The following ASXL2 variants were observed in gnomAD, a reference collection of about 807,000 sequenced individuals.
ASXL2 encodes the protein putative Polycomb group protein ASXL2.
A neutral mutation model predicts 122.0 loss-of-function variants in ASXL2; 23 were observed. The observed-to-expected ratio is 0.19, with a 90% confidence interval of 0.14 to 0.27. The LOEUF (loss-of-function observed/expected upper bound fraction) is 0.27, where lower values mean the gene tolerates loss of function less well. Ranked by LOEUF, ASXL2 falls within the 10% of genes least tolerant of loss-of-function variation. The pLI is 1.00. For missense variants in ASXL2, 1,518 were observed against 1,713.8 expected, an observed-to-expected ratio of 0.89 and a Z score of 2.02; for synonymous variants, 650 against 637.0, an observed-to-expected ratio of 1.02 and a Z score of -0.31.
Position 25,734,984 on chromosome 2 carries a change from G to A in ASXL2, c.*7045C>T, listed in dbSNP as rs1040813120. 2 of 152,124 alleles carry A rather than the reference G, an allele frequency of 1.3e-5. No homozygotes were observed. Among genetic ancestry groups the A allele is most frequent in the Admixed American group, 1.3e-4 (2 of 15,258 alleles). The allele number at this position is 152,124 out of a possible 1,614,324, so 9.4% of individuals were successfully genotyped here. On this transcript the variant is annotated 3_prime_UTR_variant, in exon 13 of 13. Coordinates refer to ENST00000435504, the MANE Select transcript of ASXL2 (RefSeq NM_018263.6). ...TTTCTTCTCCCTAAGGCATCCTCTA[G>A]GTTTTACAATTAAGAAGAAAATCAG...
rs2088009364 is a variant in ASXL2, at chr2:25,749,852, C to T, written c.1704G>A (p.Arg568=). Residue 568 remains arginine (R), a synonymous_variant, in exon 12 of 13, where the codon AGG becomes AGA. Transcript: ENST00000435504. ...CCTCTTCTTGGGTGAGGGAAGACTT[C>T]CTCTTGAGGCTTTCTGGGCTCTGAT... ...LVDQSPESLK[R]KSSLTQEEAP... 1.9e-5 allele frequency: 30 copies of T among 1,609,984 alleles called. No homozygotes were observed. Among genetic ancestry groups the T allele is most frequent in the Non-Finnish European group, 2.5e-5 (30 of 1,178,632 alleles).
chr2:25,808,044 A>G (rs1392813033), intron 3 of ASXL2, among the ~76,000 whole-genome samples: 1 of 136,942 alleles, frequency 7.3e-6, no homozygotes, highest in Non-Finnish European at 1.6e-5. Context: ...AAGAACAGAT[A>G]CATGACTTAG....
Position 25,742,542 on chromosome 2 carries a change from T to C in ASXL2, c.3795A>G (p.Leu1265=). ...TFDEKTLARD[L]IQAAQKQMAH... ...CCATCTGCTTCTGTGCTGCCTGAAT[T>C]AAATCTCTGGCTAGGGTCTTTTCAT... Residue 1265 remains leucine (L), a synonymous_variant, in exon 13 of 13, where the codon TTA becomes TTG. Transcript: ENST00000435504. 1 of 1,614,026 alleles carries C rather than the reference T, an allele frequency of 6.2e-7. No individual in the cohort carries two copies. The highest frequency in any genetic ancestry group is 8.5e-7 in the Non-Finnish European group (1 of 1,179,894).
intron 5 of ASXL2, among the ~76,000 whole-genome samples, chr2:25,773,062 A>C (rs748506276): frequency 3.4e-4 from 52 of 151,792 alleles, no homozygotes; most frequent in Non-Finnish European, 6.6e-4. Context: ...TACAAAAATT[A>C]GCCGGGTGTG....
intron 9 of ASXL2, among the ~76,000 whole-genome samples, chr2:25,756,465 G>GAAAAAAAAAGAAAAAAAAAAAAAAAAAAA (rs2088136770): frequency 1.1e-5 from 1 of 91,420 alleles, no homozygotes; most frequent in Non-Finnish European, 2.3e-5. Flanking sequence ...AAAAAAAAAA[G>GAAAAAAAAAGAAAAAAAAAAAAAAAAAAA]AAAAAAAAAA....
Position 25,742,705 on chromosome 2 carries a change from C to T in ASXL2, c.3632G>A (p.Ser1211Asn), listed in dbSNP as rs369409956. 8 of 1,613,844 alleles carry T rather than the reference C, an allele frequency of 5.0e-6. No homozygotes were observed. The highest frequency in any genetic ancestry group is 1.3e-5 in the African/African-American group (1 of 74,918). ...VSQSAGKGDT[S>N]SGPHSRETLS... ...AGTTTCCCTGCTGTGAGGTCCTGAA[C>T]TTGTGTCACCCTTGCCAGCACTCTG... The change falls in exon 13 of 13, where the codon AGT (serine) becomes AAT (asparagine). Residue 1211 changes from serine to asparagine, a missense_variant. By Grantham distance (46) the Ser-to-Asn change is conservative. Coordinates refer to ENST00000435504, the MANE Select transcript of ASXL2 (RefSeq NM_018263.6).
intron 5 of ASXL2, among the ~76,000 whole-genome samples, chr2:25,774,408 G>C (rs2088512837): frequency 2.0e-5 from 3 of 152,116 alleles, no homozygotes; most frequent in Admixed American, 2.0e-4. Flanking sequence ...CAATCTTCAA[G>C]GATGAGCACT....
At chr2:25,745,105 C>T (rs569274949) in intron 12 of ASXL2, among the ~76,000 whole-genome samples, 5 of 152,170 alleles carry the variant, frequency 3.3e-5, no homozygotes, top group Non-Finnish European at 7.4e-5. Context: ...TGTTTGCCAG[C>T]CATTCTCATC....
At chr2:25,773,093 C>A (rs1391517616) in intron 5 of ASXL2, among the ~76,000 whole-genome samples, 1 of 151,730 alleles carries the variant, frequency 6.6e-6, no homozygotes, top group African/African-American at 2.4e-5. Context: ...CCTGTAATCC[C>A]AGGCACTCAG....
chr2:25,859,351 C>T (rs1304803032), intron 1 of ASXL2, among the ~76,000 whole-genome samples: 1 of 152,172 alleles, frequency 6.6e-6, no homozygotes, highest in Non-Finnish European at 1.5e-5. Context: ...TATAGCTGAA[C>T]TTCCAAGCTG....
intron 8 of ASXL2, among the ~76,000 whole-genome samples, chr2:25,761,297 T>A (rs1055802587): frequency 6.6e-6 from 1 of 152,150 alleles, no homozygotes; most frequent in South Asian, 2.1e-4. Context: ...AATCCATGCA[T>A]AGACCCAGCA....
At chr2:25,768,910 T>C (rs752630798) in intron 6 of ASXL2, 42 bp from the exon 7 acceptor site, 5 of 1,585,488 alleles carry the variant, frequency 3.2e-6, no homozygotes, top group South Asian at 1.2e-5. Context: ...AACCAATCAG[T>C]TTTTTAGTAA....
At chr2:25,844,740 T>C (rs2089630289) in intron 2 of ASXL2, among the ~76,000 whole-genome samples, 1 of 151,960 alleles carries the variant, frequency 6.6e-6, no homozygotes, top group African/African-American at 2.4e-5. Flanking sequence ...CTCGAACTCC[T>C]GGACTCAAGC....
chr2:25,819,598 G>C (rs1383296182), intron 3 of ASXL2, among the ~76,000 whole-genome samples: 2 of 152,050 alleles, frequency 1.3e-5, no homozygotes, highest in Admixed American at 6.6e-5. Flanking sequence ...TAATTAAACA[G>C]CAGAAATAAA....
rs1426524333 is a variant in ASXL2, at chr2:25,759,524, G to A, written c.897C>T (p.Cys299=). ...GGAGTAGTAAAAGCAGTCGTTGCTG[G>A]CAATCTCCAGGAAGGACTGAAAATG... ...KHTFSVLPGD[C]QQRLLLLLPE... Residue 299 remains cysteine (C), a synonymous_variant, in exon 9 of 13, where the codon TGC becomes TGT. Coordinates refer to ENST00000435504, the MANE Select transcript of ASXL2 (RefSeq NM_018263.6). 3.7e-6 allele frequency: 6 copies of A among 1,613,734 alleles called. No homozygotes were observed. Among genetic ancestry groups the A allele is most frequent in the South Asian group, 1.1e-5 (1 of 91,072 alleles).
chr2:25,781,951 C>T (rs1256175172), intron 5 of ASXL2, among the ~76,000 whole-genome samples: 4 of 21,310 alleles, frequency 1.9e-4, no homozygotes, highest in Admixed American at 3.5e-4. Context: ...CGTGAGCCAC[C>T]GCCCGGGCTT....
chr2:25,751,252 A>G (rs975324457), intron 11 of ASXL2, among the ~76,000 whole-genome samples: 1 of 152,240 alleles, frequency 6.6e-6, no homozygotes, highest in African/African-American at 2.4e-5. Flanking sequence ...AAACTGGGCA[A>G]TAATCAAAAA....
At position 25,744,344 on chromosome 2, in the gene ASXL2, G is replaced by A; in HGVS notation, c.1993C>T (p.Gln665Ter). The A allele has an allele frequency of 6.2e-7, 1 of 1,613,956 alleles. No individual in the cohort carries two copies. Among genetic ancestry groups the A allele is most frequent in the Non-Finnish European group, 8.5e-7 (1 of 1,179,884 alleles). Residue 665 changes from glutamine (Q) to a stop codon, truncating the protein, a stop_gained, in exon 13 of 13, where the codon CAA (glutamine) becomes TAA (stop). Transcript: ENST00000435504. LOFTEE classifies it high-confidence loss of function. This position sits in a 1 kb window ranked among gnomAD's most constrained non-coding sequence, Gnocchi z 4.7. ...RTLADIKAKA[Q>*]LVKAQRAAAA... ...GCTGCCCTCTGTGCTTTGACCAGTT[G>A]GGCTTTTGCTTTGATGTCTGCAAGA...
At chr2:25,779,428 G>A (rs552292055) in intron 5 of ASXL2, among the ~76,000 whole-genome samples, 2 of 151,828 alleles carry the variant, frequency 1.3e-5, no homozygotes, top group East Asian at 3.9e-4. Flanking sequence ...GTTTCTTCCC[G>A]CCTAACATTT....
Sources: gnomAD v4.1 joint callset for allele counts (sites outside exome capture counted in the v4.1 genomes callset) on GRCh38, gnomAD v4.1.1 for gene constraint, Gnocchi (gnomAD v3.1) non-coding constraint, MANE v1.5 for transcripts, NCBI Gene and HGNC (gene_info 2026-07-23, HGNC 2026-07-21) for gene names.